The following DMD variants were observed in gnomAD, a reference collection of about 807,000 sequenced individuals.
DMD encodes dystrophin, also known as mutant dystrophin.
Under a neutral mutation model 330.1 loss-of-function variants are expected in DMD, and 63 were observed. The ratio of observed to expected loss-of-function variants is 0.19; its 90% confidence interval spans 0.16 to 0.24. The LOEUF is 0.24. Among genes scored for constraint, DMD ranks in the 10% least tolerant of loss-of-function variants. The pLI is 1.00. For missense variants in DMD, 3,344 were observed against 2,684.1 expected (o/e 1.25, Z -5.43); for synonymous variants, 1,223 against 959.8 (o/e 1.27, Z -5.07).
chrX:31,698,378 T>G (rs751448461), intron 52 of DMD, among the ~76,000 whole-genome samples: 1 of 111,955 alleles, frequency 8.9e-6, no homozygotes, highest in African/African-American at 3.2e-5. Context: ...TCAAAAAATG[T>G]TAGGCATGAT....
intron 41 of DMD, among the ~76,000 whole-genome samples, chrX:32,316,499 G>A (rs930347857): frequency 9.0e-6 from 1 of 110,960 alleles, no homozygotes; most frequent in Non-Finnish European, 1.9e-5. Context: ...ATCTTGATAC[G>A]TAGTGTCCAG....
Position 32,463,747 on chromosome X carries a change from G to A in DMD, c.3277-153C>T, listed in dbSNP as rs1049894297. ...GAGATACAGAGATATTGATATAGAT[G>A]ACTGCCTAACAGTCTTGCAAAAATG... On this transcript the variant is annotated intron_variant, in intron 24 of 78. Coordinates refer to ENST00000357033, the MANE Select transcript of DMD (RefSeq NM_004006.3). 1.9e-4 allele frequency among the ~76,000 whole-genome samples: 21 copies of A among 111,976 alleles called. 2 individuals are homozygous for A. Among genetic ancestry groups the A allele is most frequent in the Admixed American group, 1.8e-3 (19 of 10,486 alleles).
chrX:31,329,792 G>A (rs1339212949), intron 61 of DMD, among the ~76,000 whole-genome samples: 1 of 108,316 alleles, frequency 9.2e-6, no homozygotes, highest in Non-Finnish European at 1.9e-5. Flanking sequence ...CCGATGTGGT[G>A]AAACCCCATC....
At chrX:33,285,309 T>TTG (rs35975571) in intron 1 of DMD, among the ~76,000 whole-genome samples, 38,661 of 106,495 alleles carry the variant, frequency 0.36, 6,535 homozygotes, top group Non-Finnish European at 0.52. Context: ...ACGAATTCAT[T>TTG]TGTGTGTGTG....
At chrX:31,360,383 T>A (rs1279587085) in intron 60 of DMD, among the ~76,000 whole-genome samples, 1 of 112,291 alleles carries the variant, frequency 8.9e-6, no homozygotes, top group Non-Finnish European at 1.9e-5. Context: ...GGCAAGTATT[T>A]CCATACTCTA....
chrX:32,136,635 G>A (rs1354621804), intron 44 of DMD, among the ~76,000 whole-genome samples: 1 of 112,239 alleles, frequency 8.9e-6, no homozygotes, highest in Non-Finnish European at 1.9e-5. Flanking sequence ...GCACAGCCTA[G>A]TTCCTTGTTC....
chrX:33,253,792 C>T (rs1396900990), intron 1 of DMD, among the ~76,000 whole-genome samples: 1 of 111,076 alleles, frequency 9.0e-6, no homozygotes, highest in African/African-American at 3.3e-5. Flanking sequence ...CCAATAAATC[C>T]ATAAATACTA....
chrX:32,798,785 T>A (rs1050053498), intron 7 of DMD, among the ~76,000 whole-genome samples: 1 of 111,301 alleles, frequency 9.0e-6, no homozygotes, highest in African/African-American at 3.3e-5. Context: ...CTATAATGAG[T>A]TCTAGACAAA....
In DMD at chrX:33,065,846, G is replaced by A. The variant is rs760247407; in HGVS notation, c.32-45646C>T. On this transcript the variant is annotated intron_variant, in intron 1 of 78. Coordinates refer to ENST00000357033, the MANE Select transcript of DMD (RefSeq NM_004006.3). ...ATGCAAGGGCAATGCTACCTCCTTC[G>A]ACCTGGTGTAAAATTCCTTAGAATT... is the stretch of plus-strand genomic sequence containing the variant. Among the ~76,000 whole-genome samples the A allele has an allele frequency of 8.9e-5, 10 of 111,757 alleles. No individual in the cohort carries two copies. The South Asian group carries it at 1.1e-3, about 12-fold the overall frequency.
intron 52 of DMD, among the ~76,000 whole-genome samples, chrX:31,716,551 C>CAACAA (rs751730837): frequency 0.068 from 7,305 of 107,498 alleles, 667 homozygotes; most frequent in African/African-American, 0.22. Flanking sequence ...AACTCCATCT[C>CAACAA]AACAAAACAA....
intron 62 of DMD, among the ~76,000 whole-genome samples, chrX:31,293,656 G>C (rs1289770386): frequency 1.8e-5 from 2 of 111,771 alleles, no homozygotes; most frequent in African/African-American, 6.5e-5. Flanking sequence ...GTATTATATG[G>C]AGATAAGAAA....
At chrX:32,563,524 G>C (rs1379542337) in intron 16 of DMD, among the ~76,000 whole-genome samples, 1 of 110,791 alleles carries the variant, frequency 9.0e-6, no homozygotes, top group Non-Finnish European at 1.9e-5. Flanking sequence ...TGTAATGCAT[G>C]TTGGACTTTA....
intron 52 of DMD, among the ~76,000 whole-genome samples, chrX:31,683,995 C>T (rs1288464141): frequency 1.8e-5 from 2 of 111,488 alleles, no homozygotes; most frequent in East Asian, 5.7e-4. Flanking sequence ...ATAAAGACAG[C>T]GTTAAATAAC....
chrX:32,745,490 C>A (rs1409573958), intron 7 of DMD, among the ~76,000 whole-genome samples: 2 of 112,119 alleles, frequency 1.8e-5, no homozygotes, highest in African/African-American at 6.5e-5. Flanking sequence ...GATGGTTTCA[C>A]AGACAGGGTG....
At chrX:33,116,780 A>T (rs902486679) in intron 1 of DMD, among the ~76,000 whole-genome samples, 3 of 111,528 alleles carry the variant, frequency 2.7e-5, no homozygotes, top group Non-Finnish European at 5.6e-5. Context: ...TGGAGGAAAA[A>T]GATTCCAGAA....
chrX:32,792,396 GA>G (rs1031480016), intron 7 of DMD, among the ~76,000 whole-genome samples: 3 of 110,768 alleles, frequency 2.7e-5, no homozygotes, highest in Admixed American at 1.9e-4. Flanking sequence ...GATAATGAGG[GA>G]AAAAAATGAA....
At chrX:33,013,834 T>TGC (rs762367779) in intron 2 of DMD, among the ~76,000 whole-genome samples, 77 of 111,852 alleles carry the variant, frequency 6.9e-4, no homozygotes, top group Admixed American at 1.7e-3. Context: ...TGTGTGTGTG[T>TGC]GCGCGCACGC....
chrX:31,908,039 G>A (rs2094499044), intron 47 of DMD, among the ~76,000 whole-genome samples: 1 of 111,963 alleles, frequency 8.9e-6, no homozygotes, highest in Non-Finnish European at 1.9e-5. Flanking sequence ...CAGTTAGAAT[G>A]GTGATCATTA....
chrX:31,155,195 T>C (rs1476119231), intron 74 of DMD, among the ~76,000 whole-genome samples: 2 of 112,601 alleles, frequency 1.8e-5, no homozygotes, highest in Non-Finnish European at 3.7e-5. Context: ...GTAACTATTA[T>C]GTATGATAAA....
Sources: allele counts gnomAD v4.1 joint callset (sites outside exome capture counted in the v4.1 genomes callset), GRCh38; gene constraint gnomAD v4.1.1; transcripts MANE v1.5; gene names NCBI Gene and HGNC (gene_info 2026-07-23, HGNC 2026-07-21).